Variants in MYO18B observed in about 807,000 individuals in gnomAD.
The protein encoded by MYO18B is unconventional myosin-XVIIIb.
In MYO18B, 204 loss-of-function variants were observed where a neutral mutation model predicts 273.0. That is an observed-to-expected ratio of 0.75 (90% CI 0.67 to 0.84). The LOEUF (loss-of-function observed/expected upper bound fraction) is 0.84. MYO18B is among the 40% of genes least tolerant of loss of function. The pLI is 0.00. For missense variants in MYO18B, 3,212 were observed against 3,287.6 expected, an observed-to-expected ratio of 0.98 and a Z score of 0.56; for synonymous variants, 1,330 against 1,305.7, an observed-to-expected ratio of 1.02 and a Z score of -0.40.
chr22:25,907,771 A>G (rs1015566829), intron 31 of MYO18B, among the ~76,000 whole-genome samples: 1 of 152,180 alleles, frequency 6.6e-6, no homozygotes, highest in Non-Finnish European at 1.5e-5. Flanking sequence ...CCGGTGGCTC[A>G]CACCTATAAT....
At chr22:26,003,423 A>G in intron 41 of MYO18B, 114 bp downstream of exon 41, 1 of 861,320 alleles carries the variant, frequency 1.2e-6, no homozygotes, top group Non-Finnish European at 1.9e-6. Flanking sequence ...AGTGATGCCC[A>G]TGAGACTAAT....
intron 22 of MYO18B, among the ~76,000 whole-genome samples, chr22:25,869,449 C>CAAA (rs58609325): frequency 0.045 from 2,629 of 57,924 alleles, 71 homozygotes; most frequent in East Asian, 0.15. Context: ...TACTGTGTCT[C>CAAA]AAAAAAAAAA....
At chr22:25,997,981 G>C (rs983795412) in intron 40 of MYO18B, among the ~76,000 whole-genome samples, 16 of 88,732 alleles carry the variant, frequency 1.8e-4, no homozygotes, top group Admixed American at 7.1e-4. Flanking sequence ...ACACACACGA[G>C]AGAGAGAGAG....
downstream of MYO18B, among the ~76,000 whole-genome samples, chr22:26,032,243 A>G (rs1205609133): frequency 6.6e-6 from 1 of 152,252 alleles, no homozygotes; most frequent in Non-Finnish European, 1.5e-5. Context: ...ATGCTGTAAC[A>G]AAATTCCACC....
intron 21 of MYO18B, among the ~76,000 whole-genome samples, chr22:25,852,319 C>A (rs1196399704): frequency 1.3e-5 from 2 of 152,194 alleles, no homozygotes; most frequent in Non-Finnish European, 1.5e-5. Context: ...GTTTATGTAG[C>A]ACTTATCTGA....
chr22:25,864,470 G>A (rs1455120128), intron 21 of MYO18B, among the ~76,000 whole-genome samples: 1 of 152,094 alleles, frequency 6.6e-6, no homozygotes, highest in African/African-American at 2.4e-5. Context: ...TGGGACAGGC[G>A]TGATTACACC....
At chr22:25,968,332 A>G (rs1232439863) in intron 39 of MYO18B, among the ~76,000 whole-genome samples, 2 of 152,140 alleles carry the variant, frequency 1.3e-5, no homozygotes, top group Non-Finnish European at 2.9e-5. Flanking sequence ...ATGGATGGAG[A>G]GTAGAAGAAT....
chr22:25,760,432 A>AG (rs2086271159), intron 1 of MYO18B, among the ~76,000 whole-genome samples: 1 of 146,468 alleles, frequency 6.8e-6, no homozygotes, highest in Non-Finnish European at 1.5e-5. Context: ...AAAAAAAAAA[A>AG]AACACAAAAA....
chr22:25,968,409 A>T (rs867013814), intron 39 of MYO18B, among the ~76,000 whole-genome samples: 19 of 152,146 alleles, frequency 1.2e-4, no homozygotes, highest in Admixed American at 2.6e-4. Flanking sequence ...AAAAAGGCAA[A>T]GCCTTTGGAT....
chr22:25,817,879 C>A lies in MYO18B; in HGVS notation c.2522-5626C>A, dbSNP rs556505576. On this transcript the variant is annotated intron_variant, in intron 12 of 43. Transcript: ENST00000335473. ...ATAGAACAACCACTACAAGGTGCAC[C>A]TTTGGGGAACTCTGATCCCCACCTG... is the stretch of plus-strand genomic sequence containing the variant. Among the ~76,000 whole-genome samples the A allele has an allele frequency of 1.1e-4, 16 of 152,282 alleles. No individual in the cohort carries two copies. The South Asian group carries it at 1.9e-3, about 18-fold the overall frequency.
In MYO18B at chr22:25,780,095, T is replaced by C. The variant is rs1454118081; in HGVS notation, c.2108T>C (p.Phe703Ser). The change falls in exon 9 of 44, where the codon TTC (phenylalanine) becomes TCC (serine). Residue 703 changes from phenylalanine (F) to serine (S), a missense_variant. Physicochemically the swap from Phe to Ser is radical, Grantham distance 155. Transcript: ENST00000335473. ...IRATFTVLRA[F>S]GSVSMAHSRS... ...GCCACCTTCACTGTCCTCCGGGCCTTCGGCTCTGTGTCCATGGCCCACAGC... is the reference window on the plus strand; with the variant it reads ...GCCACCTTCACTGTCCTCCGGGCCTCCGGCTCTGTGTCCATGGCCCACAGC... 2 of 1,599,504 alleles carry C rather than the reference T, an allele frequency of 1.3e-6. No individual in the cohort carries two copies. The highest frequency in any genetic ancestry group is 1.1e-5 in the South Asian group (1 of 88,136).
At chr22:25,756,812 G>C (rs2086137323) in intron 1 of MYO18B, 1 of 152,322 alleles carries the variant, frequency 6.6e-6, no homozygotes, top group African/African-American at 2.4e-5. Context: ...TGTAATCCCA[G>C]CACTTTGGGA....
chr22:26,022,119 T>C (rs1415328201), intron 42 of MYO18B, among the ~76,000 whole-genome samples: 1 of 152,082 alleles, frequency 6.6e-6, no homozygotes, highest in Non-Finnish European at 1.5e-5. Context: ...TGCCTCATAG[T>C]GACTCTGAGA....
chr22:25,837,822 A>G (rs1471939373), intron 17 of MYO18B, among the ~76,000 whole-genome samples: 2 of 152,160 alleles, frequency 1.3e-5, no homozygotes, highest in Non-Finnish European at 2.9e-5. Context: ...TCTGCCCATC[A>G]TGGAGGCACA....
At chr22:25,958,359 G>T (rs943676983) in intron 39 of MYO18B, among the ~76,000 whole-genome samples, 1 of 152,092 alleles carries the variant, frequency 6.6e-6, no homozygotes, top group African/African-American at 2.4e-5. Context: ...ACATCCTGTC[G>T]TTTCCTTAAT....
chr22:25,872,550 A>G (rs2091076204), intron 22 of MYO18B, among the ~76,000 whole-genome samples: 1 of 152,242 alleles, frequency 6.6e-6, no homozygotes, highest in Admixed American at 6.5e-5. Context: ...TGGAAAATGT[A>G]GATGCATGTA....
intron 18 of MYO18B, among the ~76,000 whole-genome samples, chr22:25,845,830 G>A (rs892491111): frequency 2.0e-5 from 3 of 152,220 alleles, no homozygotes; most frequent in Non-Finnish European, 2.9e-5. Flanking sequence ...AATATCCATA[G>A]GACAGATGCT....
chr22:25,781,798 T>C lies in MYO18B; in HGVS notation c.2276T>C (p.Phe759Ser), dbSNP rs752389834. Residue 759 changes from phenylalanine (F) to serine (S), a missense_variant, in exon 10 of 44, where the codon TTC becomes TCC. Phe to Ser is a radical substitution (Grantham distance 155). Transcript: ENST00000335473. Reference sequence around the variant, plus strand: ...GAAGGGGAAAGTAACTTCCTGGTTTTCTCCCAGATGCTGGCTGGATTGGAC... The same window carrying C: ...GAAGGGGAAAGTAACTTCCTGGTTTCCTCCCAGATGCTGGCTGGATTGGAC... The part of the protein sequence containing the change: ...QPEGESNFLV[F>S]SQMLAGLDLD... The C allele has an allele frequency of 6.3e-7, 1 of 1,594,452 alleles. No homozygotes were observed. The highest frequency in any genetic ancestry group is 1.3e-5 in the African/African-American group (1 of 74,378).
intron 36 of MYO18B, among the ~76,000 whole-genome samples, chr22:25,948,427 C>CT (rs2092742113): frequency 8.2e-6 from 1 of 121,478 alleles, no homozygotes. Flanking sequence ...TCCTTCCTTC[C>CT]TTCCTTCCTT....
Sources: allele counts gnomAD v4.1 joint callset (sites outside exome capture counted in the v4.1 genomes callset), GRCh38; gene constraint gnomAD v4.1.1; transcripts MANE v1.5; gene names NCBI Gene and HGNC (gene_info 2026-07-23, HGNC 2026-07-21).